LSM3: variants seen among roughly 807,000 people sequenced by gnomAD.
The protein encoded by LSM3 is LSM3 homolog, U6 small nuclear RNA and mRNA degradation associated, also known as U6 snRNA-associated Sm-like protein LSm3.
In LSM3, 14 loss-of-function variants were observed where a neutral mutation model predicts 15.4. The observed-to-expected ratio is 0.91, with a 90% CI of 0.60 to 1.42. The LOEUF (loss-of-function observed/expected upper bound fraction) is 1.42. Among genes scored for constraint, LSM3 ranks in the 40% most tolerant of loss-of-function variants. LSM3 has a pLI of 0.00. For synonymous variants in LSM3, 46 were observed against 45.1 expected (o/e 1.02, Z -0.08); for missense variants, 88 against 127.9 (o/e 0.69, Z 1.50).
intron 3 of LSM3, among the ~76,000 whole-genome samples, chr3:14,193,573 A>G (rs1423316789): frequency 6.6e-6 from 1 of 152,174 alleles, no homozygotes; most frequent in Non-Finnish European, 1.5e-5. Flanking sequence ...TGATTCAGCT[A>G]TTGATACTTG....
At chr3:14,182,603 C>G (rs989347858) in intron 2 of LSM3, among the ~76,000 whole-genome samples, 99 of 152,264 alleles carry the variant, frequency 6.5e-4, no homozygotes, top group African/African-American at 1.8e-3. Context: ...TCCTTAATGA[C>G]TTGTTACTTT....
At position 14,200,753 on chromosome 3, in the gene LSM3, A is replaced by G. The variant is rs1283645960; in HGVS notation, c.*2637A>G. ...CAAATGGACGATTTTCAAATTTCAA[A>G]TAGTGATTTTTGAAGATTTGCCCAA... On this transcript the variant is annotated 3_prime_UTR_variant, in exon 4 of 4. Coordinates refer to ENST00000306024, the MANE Select transcript of LSM3 (RefSeq NM_014463.3). 1 of 152,204 alleles carries G rather than the reference A, an allele frequency of 6.6e-6. No individual in the cohort carries two copies. The highest frequency in any genetic ancestry group is 1.9e-4 in the East Asian group (1 of 5,190). 9.4% of individuals were successfully genotyped at this position (152,204 alleles called of 1,614,324 possible). A position where few individuals can be genotyped will look rare whatever the true frequency, so the allele number is the denominator to read the frequency against.
chr3:14,186,881 A>T lies in LSM3; in HGVS notation c.228+2849A>T, dbSNP rs1405510148. On this transcript the variant is annotated intron_variant, in intron 3 of 3. Transcript: ENST00000306024. ...GGCAAAATTTATCCTTTTTCAGCTC[A>T]ACTAAGCTTACAAATGATACCTTAA... 2.6e-5 allele frequency among the ~76,000 whole-genome samples: 4 copies of T among 152,354 alleles called. No individual in the cohort carries two copies. The East Asian group carries it at 7.7e-4, about 29-fold the overall frequency.
Position 14,182,857 on chromosome 3 carries a change from C to G in LSM3, c.133-1080C>G, listed in dbSNP as rs4504155. Among the ~76,000 whole-genome samples the G allele has an allele frequency of 6.8e-3, 1,028 of 152,250 alleles. 16 individuals are homozygous for G. Among genetic ancestry groups the G allele is most frequent in the African/African-American group, 0.023 (973 of 41,534 alleles). ...GTAAAGGGAGAGCCAGAATTTGAAT[C>G]TAGGTTGTCTGACCTGAGCCCCACT... On this transcript the variant is annotated intron_variant, in intron 2 of 3. Coordinates refer to ENST00000306024, the MANE Select transcript of LSM3 (RefSeq NM_014463.3).
At chr3:14,179,937 G>A (rs1697004534) in intron 1 of LSM3, among the ~76,000 whole-genome samples, 1 of 152,200 alleles carries the variant, frequency 6.6e-6, no homozygotes, top group Admixed American at 6.5e-5. Flanking sequence ...CCTTGAGGGT[G>A]GGGATTGTGA....
chr3:14,184,115 T>C, intron 3 of LSM3, 83 bp downstream of exon 3: 1 of 1,457,806 alleles, frequency 6.9e-7, no homozygotes, highest in Non-Finnish European at 9.1e-7. Flanking sequence ...ATGGGAAGCC[T>C]GTCATGTTTT....
chr3:14,185,641 A>G (rs1163504804), intron 3 of LSM3, among the ~76,000 whole-genome samples: 1 of 152,210 alleles, frequency 6.6e-6, no homozygotes, highest in African/African-American at 2.4e-5. Context: ...TACCTTTGAT[A>G]CTACACCCAA....
intron 1 of LSM3, among the ~76,000 whole-genome samples, chr3:14,181,231 C>G (rs1697035336): frequency 6.6e-6 from 1 of 152,142 alleles, no homozygotes; most frequent in African/African-American, 2.4e-5. Context: ...CCCTGAGACC[C>G]TATGCCCTGA....
intron 3 of LSM3, among the ~76,000 whole-genome samples, chr3:14,187,744 G>T (rs957246317): frequency 2.6e-5 from 4 of 152,048 alleles, no homozygotes; most frequent in African/African-American, 9.7e-5. Context: ...CAGGTTGTTG[G>T]GTTTTTTTCC....
In LSM3 at chr3:14,198,719, C is replaced by T. The variant is rs112621546; in HGVS notation, c.*603C>T. 578 of 152,600 alleles carry T rather than the reference C, an allele frequency of 3.8e-3. 4 individuals are homozygous for T. The highest frequency in any genetic ancestry group is 0.013 in the African/African-American group (542 of 41,462). 9.5% of individuals were successfully genotyped at this position (152,600 alleles called of 1,614,324 possible). ...ACTGAAAATATAAAAATTAGCCAGG[C>T]GTGGTGGCGCATACTTGTAATCCCA... On this transcript the variant is annotated 3_prime_UTR_variant, in exon 4 of 4. Transcript: ENST00000306024.
chr3:14,193,718 A>G (rs1228310191), intron 3 of LSM3, among the ~76,000 whole-genome samples: 1 of 152,194 alleles, frequency 6.6e-6, no homozygotes, highest in African/African-American at 2.4e-5. Flanking sequence ...GCATTGAGTT[A>G]GAACATGCTC....
intron 3 of LSM3, among the ~76,000 whole-genome samples, chr3:14,195,157 C>G (rs1324439657): frequency 6.6e-6 from 1 of 152,106 alleles, no homozygotes; most frequent in Non-Finnish European, 1.5e-5. Context: ...TCCACCAACC[C>G]CTAAGTCTTT....
Position 14,187,723 on chromosome 3 carries a change from C to T in LSM3, c.228+3691C>T, listed in dbSNP as rs79957146. ...TTACCACCAAAACAGTATGGGGGACCCATAAACCATCAGGTTGTTGGGTTT... is the reference window on the plus strand; with the variant it reads ...TTACCACCAAAACAGTATGGGGGACTCATAAACCATCAGGTTGTTGGGTTT... On this transcript the variant is annotated intron_variant, in intron 3 of 3. Coordinates refer to ENST00000306024, the MANE Select transcript of LSM3 (RefSeq NM_014463.3). Among the ~76,000 whole-genome samples, 769 of 152,274 alleles carry T rather than the reference C, an allele frequency of 5.1e-3. 5 individuals are homozygous for T. Among genetic ancestry groups the T allele is most frequent in the Non-Finnish European group, 8.2e-3 (560 of 68,012 alleles).
chr3:14,182,705 A>G (rs1276387396), intron 2 of LSM3, among the ~76,000 whole-genome samples: 1 of 152,234 alleles, frequency 6.6e-6, no homozygotes, highest in Non-Finnish European at 1.5e-5. Context: ...ACCAGGTACT[A>G]TTATTCTAAG....
At chr3:14,188,800 T>C (rs1697113794) in intron 3 of LSM3, among the ~76,000 whole-genome samples, 1 of 152,190 alleles carries the variant, frequency 6.6e-6, no homozygotes, top group Non-Finnish European at 1.5e-5. Context: ...TAAATAATTT[T>C]ATCTTTATCT....
intron 3 of LSM3, among the ~76,000 whole-genome samples, chr3:14,189,142 T>G (rs989413514): frequency 7.2e-5 from 11 of 152,244 alleles, no homozygotes; most frequent in African/African-American, 2.7e-4. Flanking sequence ...TCCTCCTTTT[T>G]TATAGCTGCA....
intron 3 of LSM3, among the ~76,000 whole-genome samples, chr3:14,197,279 A>G (rs1215195595): frequency 1.3e-5 from 2 of 152,270 alleles, no homozygotes; most frequent in African/African-American, 4.8e-5. Context: ...GCTAACAGCA[A>G]CATCTACTAA....
intron 3 of LSM3, among the ~76,000 whole-genome samples, chr3:14,185,156 C>T (rs1697076851): frequency 1.3e-5 from 2 of 151,920 alleles, no homozygotes; most frequent in East Asian, 3.9e-4. Flanking sequence ...TTCGAGACCA[C>T]CCTGGCCAAC....
chr3:14,188,341 C>T (rs1697109228), intron 3 of LSM3, among the ~76,000 whole-genome samples: 1 of 152,184 alleles, frequency 6.6e-6, no homozygotes, highest in African/African-American at 2.4e-5. Context: ...ATGCTGAGAC[C>T]ATATGGTCCA....
Sources: gnomAD v4.1 joint callset for allele counts (sites outside exome capture counted in the v4.1 genomes callset) on GRCh38, gnomAD v4.1.1 for gene constraint, MANE v1.5 for transcripts, NCBI Gene and HGNC (gene_info 2026-07-23, HGNC 2026-07-21) for gene names.